The following ZNF600 variants were observed in gnomAD, a reference collection of about 807,000 sequenced individuals.
ZNF600 encodes the protein zinc finger protein KR-ZNF1.
In ZNF600, 4 loss-of-function variants were observed where a neutral mutation model predicts 7.3. That is an observed-to-expected ratio of 0.55 (90% CI 0.27 to 1.25). The LOEUF (loss-of-function observed/expected upper bound fraction) is 1.25, where lower values mean the gene tolerates loss of function less well. Among genes scored for constraint, ZNF600 ranks in the 50% most tolerant of loss-of-function variants. The pLI is 0.12. For missense variants in ZNF600, 911 were observed against 922.1 expected (o/e 0.99, Z 0.16); for synonymous variants, 290 against 308.9 (o/e 0.94, Z 0.64).
chr19:52,821,902 C>T, the ZNF600 span, among the ~76,000 whole-genome samples: 1 of 143,414 alleles, frequency 7.0e-6, no homozygotes, highest in African/African-American at 2.6e-5. Flanking sequence ...GACTCCGTCT[C>T]TAAAAAAAAA....
the ZNF600 span, among the ~76,000 whole-genome samples, chr19:52,811,547 C>A: frequency 6.7e-6 from 1 of 149,488 alleles, no homozygotes; most frequent in Non-Finnish European, 1.5e-5. Context: ...CCCCACCGCC[C>A]TGTCTGGGAT....
chr19:52,821,072 A>C, the ZNF600 span, among the ~76,000 whole-genome samples: 16,033 of 150,514 alleles, frequency 0.11, 749 homozygotes, highest in African/African-American at 0.21. Context: ...GCTCAGGGGA[A>C]GCGGTGACTG....
At chr19:52,796,223 G>A in the ZNF600 span, among the ~76,000 whole-genome samples, 1 of 152,166 alleles carries the variant, frequency 6.6e-6, no homozygotes, top group African/African-American at 2.4e-5. Context: ...TCTGGGGACA[G>A]GGGGAATCTA....
At chr19:52,791,004 A>C (rs182634962), upstream of ZNF600, among the ~76,000 whole-genome samples, 284 of 152,332 alleles carry the variant, frequency 1.9e-3, 2 homozygotes, top group African/African-American at 6.5e-3. Flanking sequence ...CTTTAAAAAA[A>C]AAAGTTTGAA....
At chr19:52,807,107 C>T in the ZNF600 span, among the ~76,000 whole-genome samples, 1 of 152,192 alleles carries the variant, frequency 6.6e-6, no homozygotes, top group Non-Finnish European at 1.5e-5. Context: ...ACCTGTAATA[C>T]ATTCCCACCC....
At chr19:52,785,439 G>T (rs2062755895) in intron 1 of ZNF600, among the ~76,000 whole-genome samples, 1 of 151,706 alleles carries the variant, frequency 6.6e-6, no homozygotes, top group South Asian at 2.1e-4. Flanking sequence ...AATAGAGACG[G>T]GGTTTCTCCC....
At chr19:52,767,855 C>T in intron 3 of ZNF600, 83 bp from the exon 6 acceptor site, 1 of 1,453,770 alleles carries the variant, frequency 6.9e-7, no homozygotes, top group South Asian at 1.7e-5. Context: ...ACACAAAAAA[C>T]AATACTTATT....
At chr19:52,813,129 T>C in the ZNF600 span, among the ~76,000 whole-genome samples, 2 of 151,898 alleles carry the variant, frequency 1.3e-5, no homozygotes, top group Admixed American at 6.6e-5. Flanking sequence ...CCAATACTTT[T>C]GCATGTATTT....
the ZNF600 span, chr19:52,810,734 G>GA: frequency 1.8e-6 from 1 of 557,784 alleles, no homozygotes; most frequent in Non-Finnish European, 3.1e-6. Context: ...GGAGAGAGAG[G>GA]AAAAAAAGAG....
At chr19:52,789,204 G>A (rs2062785569), upstream of ZNF600, among the ~76,000 whole-genome samples, 1 of 152,284 alleles carries the variant, frequency 6.6e-6, no homozygotes, top group African/African-American at 2.4e-5. Flanking sequence ...GAGAGTCCTA[G>A]GCAGAGGGAC....
At chr19:52,810,731 G>T in the ZNF600 span, 2 of 620,648 alleles carry the variant, frequency 3.2e-6, no homozygotes, top group African/African-American at 2.1e-5. Flanking sequence ...TTAGGAGAGA[G>T]AGGAAAAAAA....
the ZNF600 span, chr19:52,810,659 G>A: frequency 5.4e-5 from 58 of 1,081,100 alleles, no homozygotes; most frequent in Non-Finnish European, 7.3e-5. Flanking sequence ...CTCTGGGGTC[G>A]CGTCTACAGG....
the ZNF600 span, chr19:52,810,523 C>T: frequency 8.1e-6 from 13 of 1,595,780 alleles, no homozygotes; most frequent in South Asian, 1.3e-4. Flanking sequence ...TCAAGGTGAT[C>T]CCAAAGCGAA....
At position 52,765,201 on chromosome 19, in the gene ZNF600, T is replaced by A. The variant is rs1185820596; in HGVS notation, c.*386A>T. Reference sequence around the variant, plus strand: ...GTTATCTCAAAAATGAATTTTCTGATGTTCTGCAAGGAGTGACCTCGGACT... The same window carrying A: ...GTTATCTCAAAAATGAATTTTCTGAAGTTCTGCAAGGAGTGACCTCGGACT... On this transcript the variant is annotated 3_prime_UTR_variant, in exon 4 of 4. Transcript: ENST00000648973. 3 of 493,330 alleles carry A rather than the reference T, an allele frequency of 6.1e-6. No individual in the cohort carries two copies. The Admixed American group carries it at 7.5e-5, about 12-fold the overall frequency. The allele number at this position is 493,330 out of a possible 1,614,324, so 30.6% of individuals were successfully genotyped here. A position where few individuals can be genotyped will look rare whatever the true frequency, so the allele number is the denominator to read the frequency against.
chr19:52,811,787 A>G, the ZNF600 span, among the ~76,000 whole-genome samples: 8 of 143,640 alleles, frequency 5.6e-5, no homozygotes, highest in African/African-American at 1.9e-4. Flanking sequence ...CCGCCCGGCC[A>G]GCCGCCCCGT....
the ZNF600 span, chr19:52,805,643 A>AAAAATAAATAAATAAATAAAT: frequency 7.1e-6 from 1 of 140,302 alleles, no homozygotes; most frequent in Non-Finnish European, 1.5e-5. Context: ...AATAATAATA[A>AAAAATAAATAAATAAATAAAT]AAATAAATAA....
At chr19:52,805,643 A>ATAAAAATAAATAAATAAATAAATAAAT in the ZNF600 span, 1 of 140,302 alleles carries the variant, frequency 7.1e-6, no homozygotes, top group Non-Finnish European at 1.5e-5. Flanking sequence ...AATAATAATA[A>ATAAAAATAAATAAATAAATAAATAAAT]AAATAAATAA....
chr19:52,777,512 G>T (rs1443116634), intron 2 of ZNF600, among the ~76,000 whole-genome samples: 1 of 152,090 alleles, frequency 6.6e-6, no homozygotes, highest in African/African-American at 2.4e-5. Context: ...CTGCACTCCA[G>T]CCTGGACAAC....
intron 1 of ZNF600, among the ~76,000 whole-genome samples, chr19:52,786,385 T>C (rs2147592451): frequency 6.6e-6 from 1 of 152,034 alleles, no homozygotes; most frequent in Admixed American, 6.5e-5. Flanking sequence ...AGGTGCCAAC[T>C]GGGGCGAGGC....
Sources: gnomAD v4.1 joint callset for allele counts (sites outside exome capture counted in the v4.1 genomes callset) on GRCh38, gnomAD v4.1.1 for gene constraint, MANE v1.5 for transcripts, NCBI Gene and HGNC (gene_info 2026-07-23, HGNC 2026-07-21) for gene names.